Variants in SPTBN1 observed in about 807,000 individuals in gnomAD.
SPTBN1 encodes spectrin beta, non-erythrocytic 1.
SPTBN1 carries 32 observed loss-of-function variants against 266.4 expected under a neutral mutation model. The observed-to-expected ratio is 0.12, with a 90% CI of 0.09 to 0.16. The LOEUF is 0.16. SPTBN1 is among the 10% of genes least tolerant of loss of function. SPTBN1 has a pLI of 1.00. For missense variants in SPTBN1, 2,296 were observed against 3,067.1 expected (o/e 0.75, Z 5.94); for synonymous variants, 1,336 against 1,162.2 (o/e 1.15, Z -3.04).
intron 1 of SPTBN1, among the ~76,000 whole-genome samples, chr2:54,509,064 G>C (rs577222391): frequency 2.0e-5 from 3 of 152,290 alleles, no homozygotes; most frequent in South Asian, 4.1e-4. Context: ...AGGTAATGGA[G>C]GGGGGCAGAG....
At chr2:54,484,741 C>G (rs1668265658) in intron 1 of SPTBN1, among the ~76,000 whole-genome samples, 1 of 137,470 alleles carries the variant, frequency 7.3e-6, no homozygotes, top group Non-Finnish European at 1.5e-5. Flanking sequence ...TTCCCTTCAT[C>G]CTTTTGCCTG....
chr2:54,485,709 C>G lies in SPTBN1; in HGVS notation c.-48+29191C>G, dbSNP rs1156928457. Among the ~76,000 whole-genome samples the G allele has an allele frequency of 1.1e-4, 16 of 150,600 alleles. No homozygotes were observed. The South Asian group carries it at 3.4e-3, about 32-fold the overall frequency. The stretch of plus-strand genomic sequence containing the variant: ...GCTGCCCAGTCTGGAAAGTGAGGAG[C>G]GTCTCTGCCCGGCCGCCATCCCATC... On this transcript the variant is annotated intron_variant, in intron 1 of 35. Transcript: ENST00000356805.
rs988293759 is a variant in SPTBN1 at position 54,670,354 on chromosome 2, A to C, written c.*1785A>C. On this transcript the variant is annotated 3_prime_UTR_variant, in exon 36 of 36. Coordinates refer to ENST00000356805, the MANE Select transcript of SPTBN1 (RefSeq NM_003128.3). ...TGACTCCATGCCACTTGCATAAAGC[A>C]GCAATGGATATTAGTATTATGGATG... The C allele has an allele frequency of 4.8e-6, 1 of 210,454 alleles. No individual in the cohort carries two copies. The highest frequency in any genetic ancestry group is 9.4e-6 in the Non-Finnish European group (1 of 106,432). The allele number at this position is 210,454 out of a possible 1,614,324, so 13.0% of individuals were successfully genotyped here. A position where few individuals can be genotyped will look rare whatever the true frequency, so the allele number is the denominator to read the frequency against.
At chr2:54,509,184 G>A (rs1180653240) in intron 1 of SPTBN1, among the ~76,000 whole-genome samples, 2 of 152,204 alleles carry the variant, frequency 1.3e-5, no homozygotes, top group Non-Finnish European at 2.9e-5. Flanking sequence ...TGTGATCAGG[G>A]TGAGGAACAG....
chr2:54,567,133 A>G (rs1673717541), intron 2 of SPTBN1, among the ~76,000 whole-genome samples: 1 of 152,174 alleles, frequency 6.6e-6, no homozygotes, highest in African/African-American at 2.4e-5. Flanking sequence ...AATAGAAGCA[A>G]GTGGAGAAAT....
At chr2:54,475,400 C>G (rs1423374185) in intron 1 of SPTBN1, among the ~76,000 whole-genome samples, 2 of 152,100 alleles carry the variant, frequency 1.3e-5, no homozygotes, top group Non-Finnish European at 2.9e-5. Context: ...ATGCTGTTAT[C>G]TATGTTTAGA....
At chr2:54,627,525 G>A (rs200880133) in intron 12 of SPTBN1, among the ~76,000 whole-genome samples, 5 of 152,148 alleles carry the variant, frequency 3.3e-5, no homozygotes, top group Admixed American at 3.3e-4. Context: ...GATGTGGCTT[G>A]TAAGCTTTTC....
intron 4 of SPTBN1, 146 bp downstream of exon 4, chr2:54,612,480 C>T (rs1386847414): frequency 2.1e-6 from 2 of 930,578 alleles, no homozygotes; most frequent in Non-Finnish European, 1.5e-6. Flanking sequence ...ATATCCAGCC[C>T]TCAGAATTGA....
rs1460238000 is a variant in SPTBN1 at position 54,612,180 on chromosome 2, G to A, written c.320G>A (p.Arg107Gln). 2 of 1,607,322 alleles carry A rather than the reference G, an allele frequency of 1.2e-6. No individual in the cohort carries two copies. The highest frequency in any genetic ancestry group is 1.7e-6 in the Non-Finnish European group (2 of 1,175,536). Residue 107 changes from arginine (R) to glutamine (Q), a missense_variant, in exon 4 of 36, where the codon CGA (arginine) becomes CAA (glutamine). This residue lies in a region of SPTBN1 where 178 missense variants were observed against 375.7 expected (regional missense o/e 0.47). Transcript: ENST00000356805. ...TTCTAGCCTAAACCCACCAAGGGACGAATGCGCATCCACTGCTTAGAGAAT... is the reference window on the plus strand; with the variant it reads ...TTCTAGCCTAAACCCACCAAGGGACAAATGCGCATCCACTGCTTAGAGAAT... ...GERLPKPTKG[R>Q]MRIHCLENVD...
At chr2:54,583,841 GT>G (rs553068324) in intron 2 of SPTBN1, among the ~76,000 whole-genome samples, 7 of 152,080 alleles carry the variant, frequency 4.6e-5, no homozygotes, top group Non-Finnish European at 1.0e-4. Context: ...CTACTCATCA[GT>G]CCCAGACCCA....
chr2:54,617,495 C>A, intron 5 of SPTBN1, 113 bp from the exon 6 acceptor site: 1 of 852,454 alleles, frequency 1.2e-6, no homozygotes, highest in Non-Finnish European at 1.8e-6. Context: ...GTGATATTCA[C>A]TGCTTTAGGT....
intron 24 of SPTBN1, among the ~76,000 whole-genome samples, chr2:54,648,445 C>G (rs2104089750): frequency 6.6e-6 from 1 of 152,320 alleles, no homozygotes; most frequent in East Asian, 1.9e-4. Flanking sequence ...GCCCTCCTAA[C>G]AAGGATGGGC....
intron 33 of SPTBN1, 38 bp from the exon 34 acceptor site, chr2:54,665,877 C>T (rs375290558): frequency 1.3e-6 from 2 of 1,583,822 alleles, no homozygotes; most frequent in East Asian, 2.2e-5. Context: ...TGTGGTAGAG[C>T]CTTTATCTCC....
intron 2 of SPTBN1, among the ~76,000 whole-genome samples, chr2:54,598,091 C>T (rs756236004): frequency 6.6e-6 from 1 of 152,118 alleles, no homozygotes; most frequent in Non-Finnish European, 1.5e-5. Flanking sequence ...TTAGAACATT[C>T]TGCAGAGGCA....
intron 3 of SPTBN1, 132 bp from the exon 4 acceptor site, chr2:54,612,029 C>T: frequency 1.1e-6 from 1 of 887,224 alleles, no homozygotes; most frequent in South Asian, 2.2e-5. Flanking sequence ...TTAATGAGTA[C>T]ATGTGTTTGT....
chr2:54,485,882 G>A (rs548837863), intron 1 of SPTBN1, among the ~76,000 whole-genome samples: 36 of 123,916 alleles, frequency 2.9e-4, no homozygotes, highest in African/African-American at 1.0e-3. Flanking sequence ...GCCCGGCCGC[G>A]ACCCGTCTGG....
intron 1 of SPTBN1, among the ~76,000 whole-genome samples, chr2:54,491,490 G>A (rs1177751044): frequency 6.6e-6 from 1 of 152,196 alleles, no homozygotes; most frequent in Non-Finnish European, 1.5e-5. Flanking sequence ...CTGAAGAGCT[G>A]CCATTTAAAG....
chr2:54,545,748 G>T (rs916287141), intron 2 of SPTBN1, among the ~76,000 whole-genome samples: 2 of 152,034 alleles, frequency 1.3e-5, no homozygotes, highest in Non-Finnish European at 2.9e-5. Context: ...CTCTGTCTCA[G>T]TGTCCTTATC....
At chr2:54,514,505 T>G (rs1328279540) in intron 1 of SPTBN1, among the ~76,000 whole-genome samples, 1 of 152,184 alleles carries the variant, frequency 6.6e-6, no homozygotes, top group Admixed American at 6.5e-5. Flanking sequence ...CTCTGAATAT[T>G]GAGAATGGAG....
Sources: gnomAD v4.1 joint callset for allele counts (sites outside exome capture counted in the v4.1 genomes callset) on GRCh38, gnomAD v4.1.1 for gene constraint, gnomAD v4.1.1 regional missense constraint, MANE v1.5 for transcripts, NCBI Gene and HGNC (gene_info 2026-07-23, HGNC 2026-07-21) for gene names.